The following CDH18 variants were observed in gnomAD, a reference collection of about 807,000 sequenced individuals.
CDH18 encodes the protein cadherin-18.
In CDH18, 31 loss-of-function variants were observed where a neutral mutation model predicts 67.9. The ratio of observed to expected loss-of-function variants is 0.46; its 90% CI spans 0.34 to 0.62. The LOEUF is 0.62. Ranked by LOEUF, CDH18 falls within the 20% of genes least tolerant of loss-of-function variation. The probability of loss-of-function intolerance (pLI) is 0.01; values close to 1 mark genes in which losing one functional copy is unlikely to be tolerated. For missense variants in CDH18, 890 were observed against 975.5 expected, an observed-to-expected ratio of 0.91 and a Z score of 1.17; for synonymous variants, 362 against 347.2, an observed-to-expected ratio of 1.04 and a Z score of -0.48.
At chr5:19,606,590 T>A (rs1239334864) in intron 6 of CDH18, among the ~76,000 whole-genome samples, 1 of 151,908 alleles carries the variant, frequency 6.6e-6, no homozygotes, top group Non-Finnish European at 1.5e-5. Flanking sequence ...AAAGGATTGG[T>A]GTACTAGAAT....
At chr5:19,680,477 G>C (rs1334257493) in intron 5 of CDH18, among the ~76,000 whole-genome samples, 2 of 151,876 alleles carry the variant, frequency 1.3e-5, no homozygotes, top group African/African-American at 2.4e-5. Flanking sequence ...AATAAACAGA[G>C]TAAACATACA....
At chr5:19,998,343 T>C (rs1246155656) in intron 2 of CDH18, among the ~76,000 whole-genome samples, 1 of 152,180 alleles carries the variant, frequency 6.6e-6, no homozygotes, top group Non-Finnish European at 1.5e-5. Flanking sequence ...TTATTGACTT[T>C]GGAAATGGAT....
chr5:19,949,710 C>T (rs986496391), intron 2 of CDH18, among the ~76,000 whole-genome samples: 12 of 151,990 alleles, frequency 7.9e-5, no homozygotes, highest in South Asian at 2.1e-4. Context: ...AGATAAAATA[C>T]GATGGCAATG....
chr5:20,569,175 G>T (rs1309061063), intron 1 of CDH18, among the ~76,000 whole-genome samples: 1 of 152,078 alleles, frequency 6.6e-6, no homozygotes, highest in Non-Finnish European at 1.5e-5. Context: ...TATAATATTA[G>T]AACATGAGAC....
chr5:19,783,503 T>C (rs1340470057), intron 3 of CDH18, among the ~76,000 whole-genome samples: 3 of 152,176 alleles, frequency 2.0e-5, no homozygotes, highest in African/African-American at 7.2e-5. Flanking sequence ...CTGCATCTCA[T>C]AGTCACCTGA....
intron 2 of CDH18, among the ~76,000 whole-genome samples, chr5:20,204,432 T>C (rs565241822): frequency 1.3e-5 from 2 of 152,150 alleles, no homozygotes; most frequent in East Asian, 1.9e-4. Context: ...AGAGAAATTT[T>C]TTCCCAAACA....
intron 11 of CDH18, among the ~76,000 whole-genome samples, chr5:19,489,474 C>A (rs1461644323): frequency 1.3e-5 from 2 of 152,028 alleles, no homozygotes; most frequent in African/African-American, 4.8e-5. Context: ...GTCTCAAACT[C>A]CTGACCTTGT....
intron 2 of CDH18, among the ~76,000 whole-genome samples, chr5:19,896,109 C>A (rs1409498500): frequency 6.6e-6 from 1 of 152,090 alleles, no homozygotes; most frequent in Admixed American, 6.5e-5. Context: ...GTAATCCCAG[C>A]ACTTTGGGAG....
At chr5:20,347,398 C>T (rs113549175) in intron 1 of CDH18, among the ~76,000 whole-genome samples, 2,150 of 152,220 alleles carry the variant, frequency 0.014, 55 homozygotes, top group African/African-American at 0.048. Context: ...TTCCCTAAAC[C>T]GCAATTAGGG....
At chr5:19,693,222 T>C (rs1762126525) in intron 5 of CDH18, among the ~76,000 whole-genome samples, 3 of 152,168 alleles carry the variant, frequency 2.0e-5, no homozygotes, top group Admixed American at 2.0e-4. Flanking sequence ...GAGAGTAGCA[T>C]GATAGTTATC....
At chr5:20,206,226 GA>G (rs1230122256) in intron 2 of CDH18, among the ~76,000 whole-genome samples, 1 of 151,672 alleles carries the variant, frequency 6.6e-6, no homozygotes, top group Admixed American at 6.6e-5. Flanking sequence ...CAACAAATTG[GA>G]AAACCTAGAA....
At chr5:19,951,230 G>T (rs565227288) in intron 2 of CDH18, among the ~76,000 whole-genome samples, 2 of 152,166 alleles carry the variant, frequency 1.3e-5, no homozygotes, top group South Asian at 4.1e-4. Context: ...TTTTCTCTCT[G>T]GGTAAGGCAC....
At chr5:19,726,429 C>T (rs1766854987) in intron 4 of CDH18, among the ~76,000 whole-genome samples, 1 of 152,240 alleles carries the variant, frequency 6.6e-6, no homozygotes, top group African/African-American at 2.4e-5. Flanking sequence ...TACTGTACTT[C>T]GGTAGTGCCT....
chr5:20,388,486 T>A (rs1562023782), intron 1 of CDH18, among the ~76,000 whole-genome samples: 1 of 152,158 alleles, frequency 6.6e-6, no homozygotes, highest in Non-Finnish European at 1.5e-5. Flanking sequence ...TTGCTAGTGG[T>A]CTATCAATTT....
chr5:19,573,569 T>A (rs917378376), intron 7 of CDH18, among the ~76,000 whole-genome samples: 2 of 152,088 alleles, frequency 1.3e-5, no homozygotes, highest in Non-Finnish European at 2.9e-5. Flanking sequence ...TAAGCCACCA[T>A]GCCCGGCCGA....
At chr5:20,073,873 T>C (rs1219371418) in intron 2 of CDH18, among the ~76,000 whole-genome samples, 1 of 152,150 alleles carries the variant, frequency 6.6e-6, no homozygotes, top group Non-Finnish European at 1.5e-5. Flanking sequence ...ATTTCTGAGA[T>C]TTGGTGGATG....
intron 2 of CDH18, among the ~76,000 whole-genome samples, chr5:19,907,078 C>T: frequency 6.6e-6 from 1 of 152,058 alleles, no homozygotes; most frequent in South Asian, 2.1e-4. Context: ...TGTCAGTTAA[C>T]TTAAAAGTTA....
At chr5:19,863,421 T>G (rs1785114270) in intron 2 of CDH18, among the ~76,000 whole-genome samples, 1 of 152,174 alleles carries the variant, frequency 6.6e-6, no homozygotes, top group African/African-American at 2.4e-5. Flanking sequence ...TCCCAAATAC[T>G]GGCAATCTCT....
chr5:20,365,153 A>G (rs1039395137), intron 1 of CDH18, among the ~76,000 whole-genome samples: 1 of 152,186 alleles, frequency 6.6e-6, no homozygotes, highest in Non-Finnish European at 1.5e-5. Flanking sequence ...GGATGCCAGC[A>G]TGGTTGGGTT....
Sources: allele counts gnomAD v4.1 joint callset (sites outside exome capture counted in the v4.1 genomes callset), GRCh38; gene constraint gnomAD v4.1.1; transcripts MANE v1.5; gene names NCBI Gene and HGNC (gene_info 2026-07-23, HGNC 2026-07-21).